Variants in ADGRB3 observed in about 807,000 individuals in gnomAD.
ADGRB3 encodes brain-specific angiogenesis inhibitor 3.
ADGRB3 carries 37 observed loss-of-function variants against 193.4 expected under a neutral mutation model. The observed-to-expected ratio is 0.19, with a 90% CI of 0.15 to 0.25. ADGRB3 has a LOEUF of 0.25. Ranked by LOEUF, ADGRB3 falls within the 10% of genes least tolerant of loss-of-function variation. The pLI is 1.00. For missense variants in ADGRB3, 1,637 were observed against 1,852.9 expected (o/e 0.88, Z 2.14); for synonymous variants, 690 against 644.2 (o/e 1.07, Z -1.08).
rs532774784 is a variant in ADGRB3 at position 69,162,140 on chromosome 6, T to C, written c.2481-71150T>C. 1.8e-4 allele frequency among the ~76,000 whole-genome samples: 27 copies of C among 152,216 alleles called. No homozygotes were observed. The South Asian group carries it at 5.4e-3, about 30-fold the overall frequency. Reference sequence around the variant, plus strand: ...GAACTATAATCTGAGAATTACATGCTATAAAAAATTTTGACATGGATGGTT... The same window carrying C: ...GAACTATAATCTGAGAATTACATGCCATAAAAAATTTTGACATGGATGGTT... On this transcript the variant is annotated intron_variant, in intron 17 of 31. Coordinates refer to ENST00000370598, the MANE Select transcript of ADGRB3 (RefSeq NM_001704.3).
In ADGRB3 at chr6:69,010,114, T is replaced by G. The variant is rs1769890296; in HGVS notation, c.1930-3924T>G. On this transcript the variant is annotated intron_variant, in intron 11 of 31. Coordinates refer to ENST00000370598, the MANE Select transcript of ADGRB3 (RefSeq NM_001704.3). ...TTTTTATAGCATACATTTATTGCCC[T>G]GATTTTTGTAATACTTCCGGCAAAG... is the stretch of plus-strand genomic sequence containing the variant. 3.9e-5 allele frequency among the ~76,000 whole-genome samples: 6 copies of G among 152,224 alleles called. No homozygotes were observed. In the South Asian group the frequency reaches 1.2e-3, roughly 32 times the overall value.
At chr6:68,814,555 A>G (rs1767587812) in intron 3 of ADGRB3, among the ~76,000 whole-genome samples, 1 of 152,178 alleles carries the variant, frequency 6.6e-6, no homozygotes, top group African/African-American at 2.4e-5. Flanking sequence ...CAGTTTAATT[A>G]GATCCCATTT....
At chr6:69,176,414 T>C (rs891102308) in intron 17 of ADGRB3, among the ~76,000 whole-genome samples, 3 of 152,220 alleles carry the variant, frequency 2.0e-5, no homozygotes, top group African/African-American at 4.8e-5. Flanking sequence ...TTGTTTTTAA[T>C]TATGTTTATG....
intron 26 of ADGRB3, among the ~76,000 whole-genome samples, chr6:69,347,233 G>T (rs1392145930): frequency 6.6e-6 from 1 of 152,124 alleles, no homozygotes; most frequent in Admixed American, 6.5e-5. Flanking sequence ...GGGAGGGATA[G>T]CATTAGGAGA....
rs1190722202 is a variant in ADGRB3, at chr6:68,950,901, C to A, written c.1196-5123C>A. 2.0e-5 allele frequency among the ~76,000 whole-genome samples: 3 copies of A among 152,244 alleles called. No individual in the cohort carries two copies. In the South Asian group the frequency reaches 6.2e-4, roughly 32 times the overall value. ...AATATTAGGTTTTAAAATGTAAATT[C>A]TATCTTATCACTTCTTTTCTTTAAA... is the stretch of plus-strand genomic sequence containing the variant. On this transcript the variant is annotated intron_variant, in intron 6 of 31. Coordinates refer to ENST00000370598, the MANE Select transcript of ADGRB3 (RefSeq NM_001704.3).
At chr6:68,719,187 G>T (rs1406948993) in intron 3 of ADGRB3, among the ~76,000 whole-genome samples, 1 of 151,646 alleles carries the variant, frequency 6.6e-6, no homozygotes, top group Non-Finnish European at 1.5e-5. Context: ...TGCCTTAGTT[G>T]GTTTTTAAGT....
chr6:68,694,476 G>A (rs987042354), intron 3 of ADGRB3, among the ~76,000 whole-genome samples: 4 of 151,922 alleles, frequency 2.6e-5, no homozygotes, highest in African/African-American at 9.7e-5. Flanking sequence ...TGGTATGGGA[G>A]TGAGGTGGGG....
intron 3 of ADGRB3, among the ~76,000 whole-genome samples, chr6:68,909,323 G>A (rs1434558209): frequency 2.0e-5 from 3 of 152,122 alleles, no homozygotes; most frequent in Non-Finnish European, 2.9e-5. Flanking sequence ...CCCTGCCTGT[G>A]TGTATTTACT....
rs531095173 is a variant in ADGRB3 at position 68,772,377 on chromosome 6, G to T, written c.757+132945G>T. Among the ~76,000 whole-genome samples the T allele has an allele frequency of 8.8e-4, 134 of 152,146 alleles. 1 individual carries two copies. Among genetic ancestry groups the T allele is most frequent in the African/African-American group, 3.2e-3 (134 of 41,534 alleles). On this transcript the variant is annotated intron_variant, in intron 3 of 31. Transcript: ENST00000370598. ...AATGGAGTCAGGTAATTTCAGATTT[G>T]AATTTTTGAGGTATTCATAGGACTC... is the stretch of plus-strand genomic sequence containing the variant.
At chr6:69,342,470 T>C (rs1459425254) in intron 26 of ADGRB3, among the ~76,000 whole-genome samples, 1 of 152,150 alleles carries the variant, frequency 6.6e-6, no homozygotes, top group Non-Finnish European at 1.5e-5. Context: ...AAACACCTTA[T>C]TTAGAAGGAT....
chr6:69,384,326 G>T (rs1770016211), intron 31 of ADGRB3, among the ~76,000 whole-genome samples: 1 of 151,908 alleles, frequency 6.6e-6, no homozygotes. Flanking sequence ...ATAATGAGTG[G>T]ATCTTCCTCT....
intron 3 of ADGRB3, among the ~76,000 whole-genome samples, chr6:68,792,858 G>C (rs1040593783): frequency 2.0e-5 from 3 of 152,072 alleles, no homozygotes; most frequent in Non-Finnish European, 4.4e-5. Context: ...TTACTCCATG[G>C]ACACTGTGTA....
At chr6:68,818,186 G>A (rs896026571) in intron 3 of ADGRB3, among the ~76,000 whole-genome samples, 39 of 152,166 alleles carry the variant, frequency 2.6e-4, no homozygotes, top group African/African-American at 8.7e-4. Context: ...ATGGTTCTAT[G>A]TGCGCACCGC....
At chr6:68,801,430 G>A (rs1055436495) in intron 3 of ADGRB3, among the ~76,000 whole-genome samples, 2 of 152,126 alleles carry the variant, frequency 1.3e-5, no homozygotes, top group Admixed American at 1.3e-4. Context: ...GCTCATGCCT[G>A]TAATCCCAGC....
intron 13 of ADGRB3, among the ~76,000 whole-genome samples, chr6:69,036,400 T>C (rs1467864516): frequency 6.6e-6 from 1 of 152,106 alleles, no homozygotes; most frequent in Non-Finnish European, 1.5e-5. Flanking sequence ...ATTGATCATA[T>C]TAAACTCACT....
At chr6:68,771,564 C>T (rs1177295744) in intron 3 of ADGRB3, among the ~76,000 whole-genome samples, 1 of 152,044 alleles carries the variant, frequency 6.6e-6, no homozygotes, top group Non-Finnish European at 1.5e-5. Context: ...GTGAGTCATA[C>T]ACACATTGTT....
Position 69,389,127 on chromosome 6 carries a change from G to A in ADGRB3, c.*236G>A, listed in dbSNP as rs1442650961. ...AAGTACCCGTGGAATGGATTTGTAA[G>A]GTAATCTTTATAGATAAACCTCAAG... On this transcript the variant is annotated 3_prime_UTR_variant, in exon 32 of 32. Coordinates refer to ENST00000370598, the MANE Select transcript of ADGRB3 (RefSeq NM_001704.3). 2 of 349,764 alleles carry A rather than the reference G, an allele frequency of 5.7e-6. No homozygotes were observed. Among genetic ancestry groups the A allele is most frequent in the Non-Finnish European group, 1.0e-5 (2 of 192,858 alleles). The allele number at this position is 349,764 out of a possible 1,614,324, so 21.7% of individuals were successfully genotyped here.
intron 20 of ADGRB3, among the ~76,000 whole-genome samples, chr6:69,290,467 G>A (rs999498010): frequency 6.6e-6 from 1 of 151,904 alleles, no homozygotes. Context: ...GAGAGAGAGA[G>A]AGAGAAATAG....
chr6:69,055,410 T>G (rs1771515303), intron 15 of ADGRB3, among the ~76,000 whole-genome samples: 1 of 152,246 alleles, frequency 6.6e-6, no homozygotes, highest in African/African-American at 2.4e-5. Context: ...ATTGATTTAT[T>G]TCAATTAGCA....
Sources: gnomAD v4.1 joint callset for allele counts (sites outside exome capture counted in the v4.1 genomes callset) on GRCh38, gnomAD v4.1.1 for gene constraint, MANE v1.5 for transcripts, NCBI Gene and HGNC (gene_info 2026-07-23, HGNC 2026-07-21) for gene names.